EIF5: variants seen among roughly 807,000 people sequenced by gnomAD.
EIF5 encodes eukaryotic translation initiation factor 5.
Under a neutral mutation model 48.3 loss-of-function variants are expected in EIF5, and 10 were observed. The ratio of observed to expected loss-of-function variants is 0.21; its 90% CI spans 0.13 to 0.35. The LOEUF (loss-of-function observed/expected upper bound fraction) is 0.35. EIF5 is among the 10% of genes least tolerant of loss of function. The pLI, the probability that EIF5 is intolerant of heterozygous loss-of-function variation, is 1.00. For missense variants in EIF5, 397 were observed against 533.2 expected, an observed-to-expected ratio of 0.74 and a Z score of 2.51; for synonymous variants, 237 against 173.1, an observed-to-expected ratio of 1.37 and a Z score of -2.90.
Position 103,341,382 on chromosome 14 carries a change from T to TGG in EIF5, c.*330_*331insGG. ...TTCAGATGTTTGGCTCTGAATGACT[T>TGG]AAGCTGAAGTAACTGGCTCCTTACT... On this transcript the variant is annotated 3_prime_UTR_variant, in exon 12 of 12. Transcript: ENST00000216554. 1 of 198,894 alleles carries TGG rather than the reference T, an allele frequency of 5.0e-6. No individual in the cohort carries two copies. The highest frequency in any genetic ancestry group is 1.2e-4 in the East Asian group (1 of 8,450). 12.3% of individuals were successfully genotyped at this position (198,894 alleles called of 1,614,324 possible). A position where few individuals can be genotyped will look rare whatever the true frequency, so the allele number is the denominator to read the frequency against.
chr14:103,338,028 T>C (rs1258679336), intron 6 of EIF5: 1 of 569,956 alleles, frequency 1.8e-6, no homozygotes, highest in Non-Finnish European at 3.3e-6. Context: ...TCATGAGGGA[T>C]GACAGGGATC....
chr14:103,337,058 C>T (rs553741278), intron 5 of EIF5, 58 bp from the exon 6 acceptor site: 25 of 1,504,702 alleles, frequency 1.7e-5, no homozygotes, highest in Middle Eastern at 2.4e-4. Flanking sequence ...GTTTAGATGT[C>T]CTCTGATTAG....
intron 5 of EIF5, 130 bp downstream of exon 5, chr14:103,336,979 T>C (rs942721902): frequency 1.7e-5 from 24 of 1,382,942 alleles, no homozygotes; most frequent in Middle Eastern, 2.7e-4. Flanking sequence ...TTTCGAGATA[T>C]TTCCATTCTT....
intron 5 of EIF5, 86 bp from the exon 6 acceptor site, chr14:103,337,030 C>T: frequency 7.3e-7 from 1 of 1,372,604 alleles, no homozygotes; most frequent in South Asian, 1.4e-5. Context: ...GTTTTCTTTG[C>T]ATGTGAAGCT....
In EIF5 at chr14:103,342,376, C is replaced by T. The variant is rs1307714061; in HGVS notation, c.*1324C>T. The T allele has an allele frequency of 6.6e-6, 1 of 152,156 alleles. No homozygotes were observed. Among genetic ancestry groups the T allele is most frequent in the Non-Finnish European group, 1.5e-5 (1 of 68,026 alleles). 9.4% of individuals were successfully genotyped at this position (152,156 alleles called of 1,614,324 possible). A position where few individuals can be genotyped will look rare whatever the true frequency, so the allele number is the denominator to read the frequency against. On this transcript the variant is annotated 3_prime_UTR_variant, in exon 12 of 12. Coordinates refer to ENST00000216554, the MANE Select transcript of EIF5 (RefSeq NM_001969.5). ...TGATAACTTCCTCATGAACTCCTTGCCTGATCTAAACTCATATTATGGGTT... is the reference window on the plus strand; with the variant it reads ...TGATAACTTCCTCATGAACTCCTTGTCTGATCTAAACTCATATTATGGGTT...
Position 103,339,788 on chromosome 14 carries a change from C to T in EIF5, c.1056C>T (p.Ile352=). Residue 352 remains isoleucine (I), a synonymous_variant, in exon 10 of 12, where the codon ATC becomes ATT. Coordinates refer to ENST00000216554, the MANE Select transcript of EIF5 (RefSeq NM_001969.5). ...DADLLEEEVI[I]SWSEKASKKY... is the part of the protein sequence containing the mutation. ...ACCTTTTAGAAGAAGAGGTCATCAT[C>T]AGCTGGTCGGAAAAGGTGGGGAATA... 1 of 1,614,086 alleles carries T rather than the reference C, an allele frequency of 6.2e-7. No homozygotes were observed. The highest frequency in any genetic ancestry group is 1.1e-5 in the South Asian group (1 of 91,062).
At chr14:103,340,195 T>C (rs1254451037) in intron 10 of EIF5, among the ~76,000 whole-genome samples, 1 of 152,166 alleles carries the variant, frequency 6.6e-6, no homozygotes, top group East Asian at 1.9e-4. Context: ...AAAAATGTCT[T>C]AATATCTATA....
chr14:103,342,113 G>A lies in EIF5; in HGVS notation c.*1061G>A, dbSNP rs566596285. On this transcript the variant is annotated 3_prime_UTR_variant, in exon 12 of 12. Coordinates refer to ENST00000216554, the MANE Select transcript of EIF5 (RefSeq NM_001969.5). ...TCTTGCCAAAATAAGTGTTAACTGT[G>A]TTTCAAACTTGATTTTCTTTCCTTT... The A allele has an allele frequency of 3.9e-4, 59 of 152,174 alleles. No homozygotes were observed. Among genetic ancestry groups the A allele is most frequent in the African/African-American group, 1.3e-3 (55 of 41,422 alleles). The allele number at this position is 152,174 out of a possible 1,614,324, so 9.4% of individuals were successfully genotyped here.
At chr14:103,337,794 C>G (rs190216704) in intron 6 of EIF5, 55 of 465,272 alleles carry the variant, frequency 1.2e-4, no homozygotes, top group African/African-American at 9.1e-4. Flanking sequence ...AGCAAAGTTT[C>G]TTTTACTGGC....
chr14:103,339,343 G>C lies in EIF5; in HGVS notation c.906+10G>C. ...GCGCCATTTCCTACGAGTAAGCAAA[G>C]TGCTCTGGATTCATAAATGAGATTA... On this transcript the variant is annotated intron_variant, in intron 9 of 11. Coordinates refer to ENST00000216554, the MANE Select transcript of EIF5 (RefSeq NM_001969.5). 2.5e-6 allele frequency: 4 copies of C among 1,584,110 alleles called. No homozygotes were observed. Among genetic ancestry groups the C allele is most frequent in the Non-Finnish European group, 3.4e-6 (4 of 1,171,422 alleles).
At chr14:103,336,541 G>T in intron 4 of EIF5, 136 bp from the exon 5 acceptor site, 1 of 938,678 alleles carries the variant, frequency 1.1e-6, no homozygotes, top group Non-Finnish European at 1.5e-6. Context: ...AGACCACGCC[G>T]TTGCACTCCA....
At chr14:103,337,587 G>T in intron 6 of EIF5, 1 of 332,114 alleles carries the variant, frequency 3.0e-6, no homozygotes, top group South Asian at 2.9e-5. Context: ...GGGCAACAGC[G>T]ACTCTGTCTC....
At chr14:103,339,001 T>C (rs2089321958) in intron 8 of EIF5, 108 bp downstream of exon 8, 2 of 1,494,262 alleles carry the variant, frequency 1.3e-6, no homozygotes, top group Middle Eastern at 1.8e-4. Flanking sequence ...TGCACGACTT[T>C]TTAGAACTCT....
chr14:103,335,766 C>CGT lies in EIF5; in HGVS notation c.-94_-93dup. The CGT allele has an allele frequency of 2.1e-6, 3 of 1,416,268 alleles. No individual in the cohort carries two copies. The highest frequency in any genetic ancestry group is 1.8e-5 in the Admixed American group (1 of 56,768). 87.7% of individuals were successfully genotyped at this position (1,416,268 alleles called of 1,614,324 possible). ...GTCAGAGACCGAGAACTCTTGCAGT[C>CGT]GTTTATGTCATCCCTTCTTCTCCAG... On this transcript the variant is annotated 5_prime_UTR_variant, in exon 3 of 12. Transcript: ENST00000216554.
At position 103,343,872 on chromosome 14, in the gene EIF5, T is replaced by C. The variant is rs186263749; in HGVS notation, c.*2820T>C. The C allele has an allele frequency of 3.3e-5, 5 of 152,338 alleles. No individual in the cohort carries two copies. The highest frequency in any genetic ancestry group is 7.2e-5 in the African/African-American group (3 of 41,576). The allele number at this position is 152,338 out of a possible 1,614,324, so 9.4% of individuals were successfully genotyped here. A position where few individuals can be genotyped will look rare whatever the true frequency, so the allele number is the denominator to read the frequency against. On this transcript the variant is annotated 3_prime_UTR_variant, in exon 12 of 12. Coordinates refer to ENST00000216554, the MANE Select transcript of EIF5 (RefSeq NM_001969.5). ...GACAAGTCTGCAGACAATCCTTATC[T>C]AACCAGCTATTTTCTTAATTGCTAC...
In EIF5 at chr14:103,342,141, C is replaced by CA. The variant is rs1555362764; in HGVS notation, c.*1089_*1090insA. 2 of 149,546 alleles carry CA rather than the reference C, an allele frequency of 1.3e-5. No individual in the cohort carries two copies. Among genetic ancestry groups the CA allele is most frequent in the Non-Finnish European group, 3.0e-5 (2 of 67,124 alleles). 9.3% of individuals were successfully genotyped at this position (149,546 alleles called of 1,614,324 possible). A position where few individuals can be genotyped will look rare whatever the true frequency, so the allele number is the denominator to read the frequency against. ...TCAAACTTGATTTTCTTTCCTTTTTCTTTTTTTTTTCTTCCAGAATGTCTT... is the reference window on the plus strand; with the variant it reads ...TCAAACTTGATTTTCTTTCCTTTTTCATTTTTTTTTTCTTCCAGAATGTCTT... On this transcript the variant is annotated 3_prime_UTR_variant, in exon 12 of 12. Coordinates refer to ENST00000216554, the MANE Select transcript of EIF5 (RefSeq NM_001969.5).
In EIF5 at chr14:103,343,019, G is replaced by C. The variant is rs2089371913; in HGVS notation, c.*1967G>C. The C allele has an allele frequency of 1.3e-5, 2 of 152,606 alleles. No homozygotes were observed. Among genetic ancestry groups the C allele is most frequent in the African/African-American group, 4.8e-5 (2 of 41,434 alleles). 9.5% of individuals were successfully genotyped at this position (152,606 alleles called of 1,614,324 possible). On this transcript the variant is annotated 3_prime_UTR_variant, in exon 12 of 12. Coordinates refer to ENST00000216554, the MANE Select transcript of EIF5 (RefSeq NM_001969.5). ...TTGGCTTAAACCAGTGTTCAGTCTG[G>C]TGCCAAACTTCGAATGGAATACAAA...
intron 6 of EIF5, 174 bp from the exon 7 acceptor site, chr14:103,338,153 A>T: frequency 1.1e-6 from 1 of 884,564 alleles, no homozygotes; most frequent in South Asian, 1.6e-5. Context: ...ATTCTTACGT[A>T]TGAAATACAT....
rs2089337745 is a variant in EIF5 at position 103,340,281 on chromosome 14, C to T, written c.1072-146C>T. On this transcript the variant is annotated intron_variant, in intron 10 of 11. Coordinates refer to ENST00000216554, the MANE Select transcript of EIF5 (RefSeq NM_001969.5). ...TTGTAGTCATAACAGACTGCTGAGACTAACGTGTTCACTGAGTACATTGAT... is the reference window on the plus strand; with the variant it reads ...TTGTAGTCATAACAGACTGCTGAGATTAACGTGTTCACTGAGTACATTGAT... 3.7e-6 allele frequency: 3 copies of T among 812,764 alleles called. No homozygotes were observed. In the Admixed American group the frequency reaches 7.0e-5, roughly 19 times the overall value. The allele number at this position is 812,764 out of a possible 1,614,324, so 50.3% of individuals were successfully genotyped here. A position where few individuals can be genotyped will look rare whatever the true frequency, so the allele number is the denominator to read the frequency against.
Sources: gnomAD v4.1 joint callset for allele counts (sites outside exome capture counted in the v4.1 genomes callset) on GRCh38, gnomAD v4.1.1 for gene constraint, MANE v1.5 for transcripts, NCBI Gene and HGNC (gene_info 2026-07-23, HGNC 2026-07-21) for gene names.